The following CDC14A variants were observed in gnomAD, a reference collection of about 807,000 sequenced individuals.
The protein encoded by CDC14A is cell division cycle 14A.
CDC14A carries 53 observed loss-of-function variants against 74.4 expected under a neutral mutation model. The observed-to-expected ratio is 0.71, with a 90% CI of 0.57 to 0.89. The LOEUF (loss-of-function observed/expected upper bound fraction) is 0.89, where lower values mean the gene tolerates loss of function less well. CDC14A is among the 40% of genes least tolerant of loss of function. The probability of loss-of-function intolerance (pLI) is 0.00; values close to 1 mark genes in which losing one functional copy is unlikely to be tolerated. For synonymous variants in CDC14A, 247 were observed against 258.4 expected, an observed-to-expected ratio of 0.96 and a Z score of 0.43; for missense variants, 646 against 713.7, an observed-to-expected ratio of 0.91 and a Z score of 1.08.
At chr1:100,468,194 TG>T (rs2101257579) in intron 10 of CDC14A, 100 bp downstream of exon 10, 1 of 1,344,764 alleles carries the variant, frequency 7.4e-7, no homozygotes. Context: ...GGTTATAAAA[TG>T]GCTGCATTGT....
intron 15 of CDC14A, among the ~76,000 whole-genome samples, chr1:100,500,739 C>T (rs1466509738): frequency 1.0e-5 from 1 of 99,356 alleles, no homozygotes. Context: ...GACAGAGCCA[C>T]TCTCAAAAAA....
chr1:100,504,993 T>G, intron 15 of CDC14A: 1 of 1,385,878 alleles, frequency 7.2e-7, no homozygotes, highest in Non-Finnish European at 9.7e-7. Flanking sequence ...TGCTATTATA[T>G]ACATGAACAT....
At chr1:100,492,138 G>T (rs1324300164) in intron 11 of CDC14A, among the ~76,000 whole-genome samples, 3 of 152,076 alleles carry the variant, frequency 2.0e-5, no homozygotes, top group African/African-American at 7.2e-5. Flanking sequence ...TGACCTTTAA[G>T]ATTCACAATA....
At chr1:100,428,934 G>A (rs1026606000) in intron 5 of CDC14A, among the ~76,000 whole-genome samples, 11 of 152,038 alleles carry the variant, frequency 7.2e-5, no homozygotes, top group African/African-American at 1.5e-4. Flanking sequence ...TAGGCCGGGC[G>A]CGGTGGCTCA....
At chr1:100,483,169 T>G (rs1264722447) in intron 10 of CDC14A, among the ~76,000 whole-genome samples, 1 of 152,170 alleles carries the variant, frequency 6.6e-6, no homozygotes, top group Non-Finnish European at 1.5e-5. Context: ...ATTGCCACAC[T>G]GCTTTCCACA....
chr1:100,486,675 C>T (rs1333486592), intron 11 of CDC14A, among the ~76,000 whole-genome samples: 1 of 152,130 alleles, frequency 6.6e-6, no homozygotes, highest in East Asian at 1.9e-4. Flanking sequence ...ATTTTGGGGG[C>T]TACAAATATT....
intron 3 of CDC14A, 108 bp downstream of exon 3, chr1:100,377,729 C>G (rs995506435): frequency 1.3e-6 from 1 of 744,448 alleles, no homozygotes; most frequent in Non-Finnish European, 2.2e-6. Flanking sequence ...ATCTTGATCT[C>G]TGGAAATTTA....
chr1:100,390,639 C>T (rs1657565757), intron 3 of CDC14A, 93 bp from the exon 4 acceptor site: 5 of 768,512 alleles, frequency 6.5e-6, no homozygotes, highest in South Asian at 6.3e-5. Flanking sequence ...TGGGTTGTAG[C>T]ACATCTTGAA....
intron 15 of CDC14A, among the ~76,000 whole-genome samples, chr1:100,503,343 T>C (rs2101458683): frequency 6.6e-6 from 1 of 152,274 alleles, no homozygotes; most frequent in Non-Finnish European, 1.5e-5. Context: ...GGTAGGAAAA[T>C]GAAGTCTGCA....
At chr1:100,437,691 A>G (rs995605215) in intron 5 of CDC14A, among the ~76,000 whole-genome samples, 13 of 152,132 alleles carry the variant, frequency 8.5e-5, no homozygotes, top group African/African-American at 3.1e-4. Context: ...ACTGGTAACA[A>G]TTGTGGCTGT....
Position 100,392,905 on chromosome 1 carries a change from C to T in CDC14A, c.309+2081C>T, listed in dbSNP as rs78398539. ...CAAATAGAATTACCGCAGCAGCCCA[C>T]ACATTCTATGATTTCTAAACATTTA... On this transcript the variant is annotated intron_variant, in intron 4 of 15. Coordinates refer to ENST00000336454, the MANE Select transcript of CDC14A (RefSeq NM_003672.4). 1,262 of 611,348 alleles carry T rather than the reference C, an allele frequency of 2.1e-3. 12 individuals are homozygous for T. The African/African-American group carries it at 0.022, about 10-fold the overall frequency. 37.9% of individuals were successfully genotyped at this position (611,348 alleles called of 1,614,324 possible).
chr1:100,429,711 A>G (rs1044052274), intron 5 of CDC14A, among the ~76,000 whole-genome samples: 28 of 143,912 alleles, frequency 1.9e-4, no homozygotes, highest in African/African-American at 5.5e-4. Context: ...TATCAAGTAT[A>G]TTTATATATA....
chr1:100,428,945 C>T (rs987824250), intron 5 of CDC14A, among the ~76,000 whole-genome samples: 3 of 152,062 alleles, frequency 2.0e-5, no homozygotes, highest in Non-Finnish European at 2.9e-5. Context: ...CGGTGGCTCA[C>T]GCCTGTAATC....
chr1:100,461,946 A>T (rs1447962167), intron 8 of CDC14A, among the ~76,000 whole-genome samples: 1 of 152,190 alleles, frequency 6.6e-6, no homozygotes, highest in Non-Finnish European at 1.5e-5. Flanking sequence ...GAGAAGACTT[A>T]AATTTTACTT....
chr1:100,462,990 G>A (rs1242729299), intron 9 of CDC14A, 109 bp downstream of exon 9: 14 of 768,472 alleles, frequency 1.8e-5, no homozygotes, highest in Non-Finnish European at 2.9e-5. Flanking sequence ...AAACAATGAG[G>A]TTTTAAATTT....
chr1:100,469,229 T>TTAAGAGGA (rs1557794563), intron 10 of CDC14A, among the ~76,000 whole-genome samples: 1 of 152,224 alleles, frequency 6.6e-6, no homozygotes, highest in Non-Finnish European at 1.5e-5. Context: ...TCTGAAATGA[T>TTAAGAGGA]TAAGAGGATT....
chr1:100,415,507 G>A (rs1443073128), intron 4 of CDC14A, among the ~76,000 whole-genome samples: 1 of 152,126 alleles, frequency 6.6e-6, no homozygotes, highest in Non-Finnish European at 1.5e-5. Flanking sequence ...TCTATGATTA[G>A]CCTTGCCTCC....
rs369721956 is a variant in CDC14A at position 100,413,605 on chromosome 1, G to A, written c.310-10617G>A. Among the ~76,000 whole-genome samples the A allele has an allele frequency of 1.3e-4, 20 of 152,286 alleles. No individual in the cohort carries two copies. The East Asian group carries it at 3.5e-3, about 26-fold the overall frequency. On this transcript the variant is annotated intron_variant, in intron 4 of 15. Coordinates refer to ENST00000336454, the MANE Select transcript of CDC14A (RefSeq NM_003672.4). ...CACAGACTGCCTAAAGTTGCCATAA[G>A]TACATGGGAAGCAACCCCCACAAGT...
At chr1:100,505,242 A>G (rs1649128455) in intron 15 of CDC14A, among the ~76,000 whole-genome samples, 1 of 152,166 alleles carries the variant, frequency 6.6e-6, no homozygotes, top group Admixed American at 6.5e-5. Context: ...AGTTGGCTTA[A>G]ATGTAGTTCT....
Sources: allele counts gnomAD v4.1 joint callset (sites outside exome capture counted in the v4.1 genomes callset), GRCh38; gene constraint gnomAD v4.1.1; transcripts MANE v1.5; gene names NCBI Gene and HGNC (gene_info 2026-07-23, HGNC 2026-07-21).